The following KSR2 variants were observed in gnomAD, a reference collection of about 807,000 sequenced individuals.
KSR2 encodes kinase suppressor of ras 2.
In KSR2, 25 loss-of-function variants were observed where a neutral mutation model predicts 107.8. The observed-to-expected ratio is 0.23, with a 90% CI of 0.17 to 0.32. The LOEUF (loss-of-function observed/expected upper bound fraction) is 0.32. KSR2 is among the 10% of genes least tolerant of loss of function. The probability of loss-of-function intolerance (pLI) is 1.00; values close to 1 mark genes in which losing one functional copy is unlikely to be tolerated. For synonymous variants in KSR2, 480 were observed against 507.0 expected (o/e 0.95, Z 0.71); for missense variants, 887 against 1,268.9 (o/e 0.70, Z 4.57).
chr12:117,842,043 C>T lies in KSR2; in HGVS notation c.472+13385G>A, dbSNP rs564431287. 9.2e-5 allele frequency among the ~76,000 whole-genome samples: 14 copies of T among 152,264 alleles called. No individual in the cohort carries two copies. Among genetic ancestry groups the T allele is most frequent in the African/African-American group, 3.4e-4 (14 of 41,568 alleles). ...AATTCCAACACAGGGGTTCTCAAAG[C>T]GTGTTCCCCAAACCAGCAGCACCAG... On this transcript the variant is annotated intron_variant, in intron 3 of 19. Coordinates refer to ENST00000339824, the MANE Select transcript of KSR2 (RefSeq NM_173598.6). This position sits in a 1 kb window ranked among gnomAD's most constrained non-coding sequence, Gnocchi z 4.2.
intron 1 of KSR2, among the ~76,000 whole-genome samples, chr12:117,964,952 A>G (rs1008039724): frequency 2.0e-5 from 3 of 152,136 alleles, no homozygotes; most frequent in African/African-American, 7.2e-5. Context: ...CTCCTTCCAC[A>G]CTAGCAGAGC....
At chr12:117,710,912 G>A (rs1032342138) in intron 4 of KSR2, among the ~76,000 whole-genome samples, 11 of 151,920 alleles carry the variant, frequency 7.2e-5, no homozygotes, top group African/African-American at 2.4e-4. Context: ...CTTTGCACAT[G>A]CCGTTCCCTC....
intron 1 of KSR2, among the ~76,000 whole-genome samples, chr12:117,866,360 G>GAGAGT (rs1893471002): frequency 6.6e-6 from 1 of 152,120 alleles, no homozygotes; most frequent in Non-Finnish European, 1.5e-5. Flanking sequence ...TTATAACGGA[G>GAGAGT]CACAGGACAC....
chr12:117,491,600 T>C (rs938769866), intron 14 of KSR2, among the ~76,000 whole-genome samples: 2 of 152,220 alleles, frequency 1.3e-5, no homozygotes, highest in African/African-American at 4.8e-5. Flanking sequence ...CTCCGCCGCA[T>C]TTATATGCCA....
chr12:117,503,330 C>T (rs1435558772), intron 14 of KSR2, among the ~76,000 whole-genome samples: 2 of 152,044 alleles, frequency 1.3e-5, no homozygotes, highest in Admixed American at 6.6e-5. Flanking sequence ...GATCTTCCTC[C>T]CTGTTGCTCC....
chr12:117,494,931 C>A (rs1026234040), intron 14 of KSR2, among the ~76,000 whole-genome samples: 1 of 152,212 alleles, frequency 6.6e-6, no homozygotes, highest in Non-Finnish European at 1.5e-5. Context: ...GGTAGGACAA[C>A]GTGTGGCATG....
intron 4 of KSR2, among the ~76,000 whole-genome samples, chr12:117,738,763 T>C (rs1346546445): frequency 2.0e-5 from 3 of 152,126 alleles, no homozygotes; most frequent in Admixed American, 6.5e-5. Flanking sequence ...TAGTCTCAGC[T>C]ACTCAGGAGG....
chr12:117,791,610 G>A (rs913043776), intron 3 of KSR2, among the ~76,000 whole-genome samples: 4 of 152,202 alleles, frequency 2.6e-5, no homozygotes, highest in African/African-American at 9.6e-5. Context: ...TTTCAGCCAA[G>A]GAGTGACATG....
At chr12:117,509,417 G>T (rs1387745997) in intron 14 of KSR2, among the ~76,000 whole-genome samples, 1 of 152,148 alleles carries the variant, frequency 6.6e-6, no homozygotes, top group Non-Finnish European at 1.5e-5. Context: ...GCTGGAAAAG[G>T]GACCGAAAGA....
At chr12:117,738,346 C>T (rs736816) in intron 4 of KSR2, among the ~76,000 whole-genome samples, 82,699 of 151,988 alleles carry the variant, frequency 0.54, 22,693 homozygotes, top group Middle Eastern at 0.64. Flanking sequence ...AAGAAACGCA[C>T]CGTTAGAGGA....
chr12:117,807,030 C>T (rs1891034924), intron 3 of KSR2, among the ~76,000 whole-genome samples: 1 of 152,190 alleles, frequency 6.6e-6, no homozygotes, highest in Non-Finnish European at 1.5e-5. Flanking sequence ...CTGTTCCGCT[C>T]AGCCCCGCTC....
chr12:117,709,226 C>T (rs1886653815), intron 4 of KSR2, among the ~76,000 whole-genome samples: 2 of 152,212 alleles, frequency 1.3e-5, no homozygotes, highest in South Asian at 4.1e-4. Context: ...TTCTCTTCCA[C>T]TGGTGTTAAT....
At position 117,861,762 on chromosome 12, in the gene KSR2, T is replaced by A. The variant is rs1264785056; in HGVS notation, c.181-1331A>T. 2.0e-5 allele frequency among the ~76,000 whole-genome samples: 3 copies of A among 152,148 alleles called. 1 individual carries two copies. Among genetic ancestry groups the A allele is most frequent in the African/African-American group, 7.2e-5 (3 of 41,436 alleles). On this transcript the variant is annotated intron_variant, in intron 1 of 19. Transcript: ENST00000339824. ...GGTGGGGGAAACATTTTATTTAAAC[T>A]CTTTTGTGCTGTTTGAACTGTAAGT...
intron 1 of KSR2, among the ~76,000 whole-genome samples, chr12:117,896,768 C>T (rs1894525119): frequency 6.6e-6 from 1 of 152,062 alleles, no homozygotes; most frequent in Non-Finnish European, 1.5e-5. Context: ...CCTGCACAAC[C>T]TTATAAATAT....
chr12:117,819,452 G>C (rs898698571), intron 3 of KSR2, among the ~76,000 whole-genome samples: 3 of 152,212 alleles, frequency 2.0e-5, no homozygotes, highest in African/African-American at 4.8e-5. Context: ...CACAGAACAA[G>C]GATGCTGGAG....
At chr12:117,834,145 A>C (rs1892098749) in intron 3 of KSR2, among the ~76,000 whole-genome samples, 1 of 146,660 alleles carries the variant, frequency 6.8e-6, no homozygotes, top group South Asian at 2.1e-4. Context: ...TGTCTCAAAA[A>C]AAATAAAAAA....
chr12:117,647,181 G>A (rs563752226), intron 5 of KSR2, among the ~76,000 whole-genome samples: 2 of 152,246 alleles, frequency 1.3e-5, no homozygotes, highest in African/African-American at 4.8e-5. Flanking sequence ...ACAGAGGAGG[G>A]TTTTACTCTC....
chr12:117,952,370 C>T (rs1292375198), intron 1 of KSR2, among the ~76,000 whole-genome samples: 5 of 152,042 alleles, frequency 3.3e-5, no homozygotes, highest in African/African-American at 4.8e-5. Flanking sequence ...ACTTTTGGGC[C>T]GGGAATGGTG....
chr12:117,824,443 T>C (rs760332206), intron 3 of KSR2, among the ~76,000 whole-genome samples: 5 of 152,106 alleles, frequency 3.3e-5, no homozygotes, highest in Non-Finnish European at 5.9e-5. Flanking sequence ...AAAAGACAAA[T>C]ATTTAAGGTG....
Sources: allele counts gnomAD v4.1 joint callset (sites outside exome capture counted in the v4.1 genomes callset), GRCh38; gene constraint gnomAD v4.1.1; non-coding constraint Gnocchi (gnomAD v3.1); transcripts MANE v1.5; gene names NCBI Gene and HGNC (gene_info 2026-07-23, HGNC 2026-07-21).